Variants in COL4A6 observed in about 807,000 individuals in gnomAD.
The protein encoded by COL4A6 is collagen type IV alpha 6 chain.
Under a neutral mutation model 126.7 loss-of-function variants are expected in COL4A6, and 59 were observed. The observed-to-expected ratio is 0.47, with a 90% CI of 0.38 to 0.58. The LOEUF (loss-of-function observed/expected upper bound fraction) is 0.58. COL4A6 is among the 20% of genes least tolerant of loss of function. The pLI, the probability that COL4A6 is intolerant of heterozygous loss-of-function variation, is 0.00. For synonymous variants in COL4A6, 547 were observed against 496.6 expected, an observed-to-expected ratio of 1.10 and a Z score of -1.35; for missense variants, 1,285 against 1,337.3, an observed-to-expected ratio of 0.96 and a Z score of 0.61.
chrX:108,336,318 T>C (rs1346870980), intron 2 of COL4A6, among the ~76,000 whole-genome samples: 5 of 111,745 alleles, frequency 4.5e-5, no homozygotes, highest in Admixed American at 3.8e-4. Flanking sequence ...AATTCAGCCA[T>C]AAAAAGAAAT....
At chrX:108,283,969 T>C (rs1388415192) in intron 3 of COL4A6, among the ~76,000 whole-genome samples, 1 of 111,326 alleles carries the variant, frequency 9.0e-6, no homozygotes, top group Non-Finnish European at 1.9e-5. Context: ...AGGGTCACAC[T>C]TGAGAAATGT....
intron 3 of COL4A6, among the ~76,000 whole-genome samples, chrX:108,280,245 A>G (rs2037764365): frequency 9.0e-6 from 1 of 111,665 alleles, no homozygotes; most frequent in Non-Finnish European, 1.9e-5. Flanking sequence ...ATAGACCGCT[A>G]GCAAGACTAA....
chrX:108,397,006 C>T (rs1476580205), intron 2 of COL4A6, among the ~76,000 whole-genome samples: 3 of 111,646 alleles, frequency 2.7e-5, no homozygotes, highest in Admixed American at 1.9e-4. Flanking sequence ...TGGTGCCTCT[C>T]CATGCAGGTT....
At position 108,180,982 on chromosome X, in the gene COL4A6, C is replaced by T; in HGVS notation, c.1952-14G>A. ...GCAGGGTGATTCCTGTAAATGGTAA[C>T]ATGTGTGCATTCAGTGAACCCAGAG... is the stretch of plus-strand genomic sequence containing the variant. On this transcript the variant is annotated splice_polypyrimidine_tract_variant and intron_variant, in intron 23 of 44. Coordinates refer to ENST00000334504, the MANE Select transcript of COL4A6 (RefSeq NM_033641.4). The T allele has an allele frequency of 8.4e-7, 1 of 1,184,532 alleles. No homozygotes were observed. Among genetic ancestry groups the T allele is most frequent in the Non-Finnish European group, 1.1e-6 (1 of 871,842 alleles).
chrX:108,336,637 A>G (rs1282172444), intron 2 of COL4A6, among the ~76,000 whole-genome samples: 5 of 111,355 alleles, frequency 4.5e-5, no homozygotes, highest in Non-Finnish European at 5.7e-5. Context: ...GGTAAAATTT[A>G]TATTATGTAT....
chrX:108,391,659 C>T (rs370698433), intron 2 of COL4A6, among the ~76,000 whole-genome samples: 1 of 112,187 alleles, frequency 8.9e-6, no homozygotes, highest in East Asian at 2.8e-4. Flanking sequence ...AGGGAATCTC[C>T]TGGTCTGCTG....
chrX:108,315,440 A>G (rs1036629428), intron 2 of COL4A6, among the ~76,000 whole-genome samples: 2 of 111,736 alleles, frequency 1.8e-5, no homozygotes, highest in Non-Finnish European at 3.8e-5. Flanking sequence ...GGGTTTTGCC[A>G]TGTTGGCCAT....
intron 23 of COL4A6, 63 bp from the exon 24 acceptor site, chrX:108,181,031 C>T (rs1241883239): frequency 6.2e-5 from 59 of 947,809 alleles, no homozygotes; most frequent in Non-Finnish European, 8.1e-5. Context: ...CTCCCTAGTA[C>T]GCTCCTTTAC....
chrX:108,204,406 C>T lies in COL4A6; in HGVS notation c.694G>A (p.Val232Ile), dbSNP rs753296939. Residue 232 changes from valine to isoleucine, a missense_variant, in exon 12 of 45, where the codon GTT becomes ATT. Coordinates refer to ENST00000334504, the MANE Select transcript of COL4A6 (RefSeq NM_033641.4). ...FQGEKGVKGD[V>I]GLPGPAGPPP... ...GGTCCTGCTGGGCCAGGGAGGCCAA[C>T]ATCCCCCTGTAAGATCAAATGGAAC... 8.3e-6 allele frequency: 10 copies of T among 1,200,290 alleles called. No homozygotes were observed. The highest frequency in any genetic ancestry group is 1.0e-5 in the Non-Finnish European group (9 of 888,296).
intron 41 of COL4A6, among the ~76,000 whole-genome samples, chrX:108,162,508 T>A (rs768204157): frequency 9.9e-5 from 11 of 111,068 alleles, no homozygotes; most frequent in African/African-American, 3.3e-4. Flanking sequence ...ATGAGGACAC[T>A]GAGACCCAGA....
At chrX:108,271,920 T>C (rs1569396481) in intron 3 of COL4A6, among the ~76,000 whole-genome samples, 1 of 112,223 alleles carries the variant, frequency 8.9e-6, no homozygotes, top group African/African-American at 3.2e-5. Flanking sequence ...ATTTCCTGTA[T>C]TATCCAGCTG....
At chrX:108,256,256 A>AAAT (rs1329660332) in intron 3 of COL4A6, among the ~76,000 whole-genome samples, 1 of 112,301 alleles carries the variant, frequency 8.9e-6, no homozygotes, top group Non-Finnish European at 1.9e-5. Context: ...GCATTTATTA[A>AAAT]AATAATAAAT....
intron 2 of COL4A6, among the ~76,000 whole-genome samples, chrX:108,321,102 C>T (rs191356738): frequency 1.2e-3 from 137 of 111,690 alleles, no homozygotes; most frequent in African/African-American, 4.3e-3. Context: ...TTGTCAAGTG[C>T]TTGGTATATT....
intron 2 of COL4A6, among the ~76,000 whole-genome samples, chrX:108,421,929 ATAT>A (rs753641368): frequency 1.4e-3 from 163 of 112,472 alleles, no homozygotes; most frequent in Non-Finnish European, 2.1e-3. Context: ...CATATAAATG[ATAT>A]TATAGCTTTT....
chrX:108,397,212 G>T (rs929117874), intron 2 of COL4A6, among the ~76,000 whole-genome samples: 1 of 111,099 alleles, frequency 9.0e-6, no homozygotes, highest in African/African-American at 3.3e-5. Flanking sequence ...TAATGTAAAT[G>T]CAGTTTCAGG....
intron 27 of COL4A6, 69 bp downstream of exon 27, chrX:108,178,615 C>T: frequency 9.1e-7 from 1 of 1,099,559 alleles, no homozygotes; most frequent in Non-Finnish European, 1.2e-6. Context: ...CTATTGCCCC[C>T]CCAGGGCATC....
chrX:108,309,288 C>T (rs1387808961), intron 3 of COL4A6, among the ~76,000 whole-genome samples: 2 of 109,779 alleles, frequency 1.8e-5, no homozygotes, highest in African/African-American at 6.6e-5. Context: ...ACATGTCTTC[C>T]GTGAGAGGCA....
At chrX:108,353,055 C>T (rs1376336918) in intron 2 of COL4A6, among the ~76,000 whole-genome samples, 2 of 111,984 alleles carry the variant, frequency 1.8e-5, no homozygotes, top group African/African-American at 3.3e-5. Context: ...AAGGCAACGC[C>T]AGCGTGGCTG....
chrX:108,279,408 A>G (rs2037728284), intron 3 of COL4A6, among the ~76,000 whole-genome samples: 1 of 111,986 alleles, frequency 8.9e-6, no homozygotes, highest in African/African-American at 3.3e-5. Context: ...GCCATTACAT[A>G]TTGGTAAAGG....
Sources: gnomAD v4.1 joint callset for allele counts (sites outside exome capture counted in the v4.1 genomes callset) on GRCh38, gnomAD v4.1.1 for gene constraint, MANE v1.5 for transcripts, NCBI Gene and HGNC (gene_info 2026-07-23, HGNC 2026-07-21) for gene names.